NUP37: variants seen among roughly 807,000 people sequenced by gnomAD.
NUP37 encodes the protein nucleoporin Nup37.
NUP37 carries 33 observed loss-of-function variants against 45.4 expected under a neutral mutation model. The ratio of observed to expected loss-of-function variants is 0.73; its 90% CI spans 0.55 to 0.97. The LOEUF (loss-of-function observed/expected upper bound fraction) is 0.97. Ranked by LOEUF, NUP37 falls within the 50% of genes least tolerant of loss-of-function variation. The pLI, the probability that NUP37 is intolerant of heterozygous loss-of-function variation, is 0.00. For missense variants in NUP37, 365 were observed against 389.7 expected (o/e 0.94, Z 0.53); for synonymous variants, 127 against 130.7 (o/e 0.97, Z 0.19).
At chr12:102,084,690 G>A (rs376665293) in intron 6 of NUP37, among the ~76,000 whole-genome samples, 27 of 150,166 alleles carry the variant, frequency 1.8e-4, no homozygotes, top group African/African-American at 5.4e-4. Context: ...CAGCCTGGGT[G>A]ACAGCCAGGC....
intron 6 of NUP37, among the ~76,000 whole-genome samples, chr12:102,081,018 C>A (rs1879315649): frequency 6.6e-6 from 1 of 152,214 alleles, no homozygotes; most frequent in Admixed American, 6.5e-5. Context: ...TATGGCCAGA[C>A]TGCCTGGATG....
chr12:102,112,276 C>A (rs1209772850), intron 2 of NUP37, 44 bp from the exon 3 acceptor site: 1 of 1,499,688 alleles, frequency 6.7e-7, no homozygotes, highest in Non-Finnish European at 9.2e-7. Flanking sequence ...TGAGAACAAA[C>A]AATATAATAT....
chr12:102,113,067 T>C (rs1242709999), intron 2 of NUP37, among the ~76,000 whole-genome samples: 1 of 152,254 alleles, frequency 6.6e-6, no homozygotes, highest in Non-Finnish European at 1.5e-5. Flanking sequence ...TCAAGCCATC[T>C]GTCGCTGGCA....
intron 2 of NUP37, 27 bp downstream of exon 2, chr12:102,118,336 T>C: frequency 1.3e-6 from 2 of 1,595,842 alleles, no homozygotes; most frequent in South Asian, 1.1e-5. Context: ...ATGTTCACTG[T>C]CATTCGGTGC....
intron 3 of NUP37, 41 bp from the exon 4 acceptor site, chr12:102,101,145 T>A: frequency 8.0e-7 from 1 of 1,256,466 alleles, no homozygotes; most frequent in Non-Finnish European, 1.1e-6. Context: ...TTTTAGCCTT[T>A]GTAAGTGAAA....
rs1163474160 is a variant in NUP37 at position 102,091,399 on chromosome 12, C to CAAA, written c.450-5546_450-5544dup. Reference sequence around the variant, plus strand: ...GGAAACAGAGTGAGAGACTCCGTCTCAAAAAAAAAAAAAAAAAAAAAAAAA... The same window carrying CAAA: ...GGAAACAGAGTGAGAGACTCCGTCTCAAAAAAAAAAAAAAAAAAAAAAAAAAAA... On this transcript the variant is annotated intron_variant, in intron 5 of 9. Coordinates refer to ENST00000552283, the MANE Select transcript of NUP37 (RefSeq NM_024057.4). Among the ~76,000 whole-genome samples, 130 of 37,778 alleles carry CAAA rather than the reference C, an allele frequency of 3.4e-3. 3 individuals carry two copies. The highest frequency in any genetic ancestry group is 0.011 in the African/African-American group (109 of 9,504). 24.8% of individuals were successfully genotyped at this position (37,778 alleles called of 152,430 possible).
At chr12:102,112,021 GA>G in intron 3 of NUP37, 86 bp downstream of exon 3, 5 of 1,281,836 alleles carry the variant, frequency 3.9e-6, no homozygotes, top group Non-Finnish European at 5.5e-6. Flanking sequence ...TGGAAATTGA[GA>G]AAAAAGTATC....
intron 5 of NUP37, among the ~76,000 whole-genome samples, chr12:102,095,207 A>G (rs1293004604): frequency 2.0e-5 from 3 of 152,102 alleles, no homozygotes; most frequent in Admixed American, 6.5e-5. Flanking sequence ...AGCTTAACCC[A>G]CTAAATACTT....
intron 6 of NUP37, among the ~76,000 whole-genome samples, chr12:102,078,259 G>C (rs547743102): frequency 6.6e-6 from 1 of 151,958 alleles, no homozygotes; most frequent in Non-Finnish European, 1.5e-5. Context: ...CCGAGAGGCA[G>C]AGGTTGCAGT....
intron 3 of NUP37, among the ~76,000 whole-genome samples, chr12:102,111,787 G>A (rs1295176796): frequency 8.0e-6 from 1 of 125,328 alleles, no homozygotes; most frequent in Non-Finnish European, 1.7e-5. Flanking sequence ...ACCAAATTTA[G>A]TTATTTTAAG....
intron 5 of NUP37, among the ~76,000 whole-genome samples, chr12:102,089,117 A>G (rs1030060802): frequency 2.0e-5 from 3 of 152,132 alleles, no homozygotes; most frequent in Middle Eastern, 6.8e-3. Flanking sequence ...CTTTCTACAC[A>G]GACACAGTAA....
chr12:102,107,147 A>G (rs758642668), intron 3 of NUP37, among the ~76,000 whole-genome samples: 1 of 152,146 alleles, frequency 6.6e-6, no homozygotes, highest in Non-Finnish European at 1.5e-5. Context: ...CCCTTGCAAT[A>G]CTTGTTGTCT....
intron 9 of NUP37, 37 bp downstream of exon 9, chr12:102,074,964 A>T (rs779223668): frequency 7.5e-7 from 1 of 1,333,100 alleles, no homozygotes; most frequent in Non-Finnish European, 1.0e-6. Flanking sequence ...ATTAAAAAAA[A>T]AAAAAGCACG....
At chr12:102,095,273 T>A (rs1247365612) in intron 5 of NUP37, among the ~76,000 whole-genome samples, 1 of 152,132 alleles carries the variant, frequency 6.6e-6, no homozygotes, top group African/African-American at 2.4e-5. Context: ...TCTAAATGAA[T>A]ATGCACTTCT....
intron 5 of NUP37, among the ~76,000 whole-genome samples, chr12:102,086,278 C>T (rs1365672620): frequency 2.0e-5 from 3 of 152,016 alleles, no homozygotes; most frequent in Non-Finnish European, 2.9e-5. Context: ...GCATGCAAGC[C>T]GAGTATTTTT....
chr12:102,079,368 T>A (rs1018473439), intron 6 of NUP37, among the ~76,000 whole-genome samples: 1 of 152,226 alleles, frequency 6.6e-6, no homozygotes. Flanking sequence ...TGAGCATCTA[T>A]GTTATACACA....
At chr12:102,106,997 A>C (rs1880174324) in intron 3 of NUP37, among the ~76,000 whole-genome samples, 1 of 152,144 alleles carries the variant, frequency 6.6e-6, no homozygotes, top group African/African-American at 2.4e-5. Context: ...CTGGTTCCTT[A>C]CACCCCACAA....
intron 3 of NUP37, 69 bp from the exon 4 acceptor site, chr12:102,101,173 C>T (rs893763824): frequency 5.2e-6 from 4 of 764,134 alleles, no homozygotes; most frequent in Non-Finnish European, 8.5e-6. Context: ...CCCTCCCCCC[C>T]ATCCTTCCCT....
chr12:102,080,626 T>C (rs1879305834), intron 6 of NUP37, among the ~76,000 whole-genome samples: 1 of 152,204 alleles, frequency 6.6e-6, no homozygotes, highest in African/African-American at 2.4e-5. Flanking sequence ...TAATCCCATT[T>C]TTCAGATGAG....
Sources: allele counts gnomAD v4.1 joint callset (sites outside exome capture counted in the v4.1 genomes callset), GRCh38; gene constraint gnomAD v4.1.1; transcripts MANE v1.5; gene names NCBI Gene and HGNC (gene_info 2026-07-23, HGNC 2026-07-21).